The following ZNF423 variants were observed in gnomAD, a reference collection of about 807,000 sequenced individuals.
ZNF423 encodes Ebf-associated zinc finger protein.
Under a neutral mutation model 95.8 loss-of-function variants are expected in ZNF423, and 12 were observed. That is an observed-to-expected ratio of 0.13 (90% confidence interval 0.08 to 0.20). The LOEUF (loss-of-function observed/expected upper bound fraction) is 0.20, where lower values mean the gene tolerates loss of function less well. ZNF423 is among the 10% of genes least tolerant of loss of function. The pLI is 1.00. For synonymous variants in ZNF423, 749 were observed against 711.9 expected (o/e 1.05, Z -0.83); for missense variants, 1,316 against 1,737.1 (o/e 0.76, Z 4.31).
At chr16:49,779,163 G>C (rs1042470504) in intron 2 of ZNF423, among the ~76,000 whole-genome samples, 1 of 152,052 alleles carries the variant, frequency 6.6e-6, no homozygotes, top group African/African-American at 2.4e-5. Flanking sequence ...AGCCAGGGCT[G>C]GGCTGTGGAG....
chr16:49,536,438 T>G (rs932778397), intron 5 of ZNF423, among the ~76,000 whole-genome samples: 28 of 151,574 alleles, frequency 1.8e-4, no homozygotes, highest in African/African-American at 6.8e-4. Context: ...GGTGGTTTTT[T>G]TTTTTTTTTT....
chr16:49,836,252 T>G (rs960108291), intron 1 of ZNF423, among the ~76,000 whole-genome samples: 5 of 152,298 alleles, frequency 3.3e-5, no homozygotes, highest in Non-Finnish European at 7.4e-5. Context: ...AGTACAGCCC[T>G]GCCCACCACC....
chr16:49,575,872 A>G (rs1970482145), intron 5 of ZNF423, among the ~76,000 whole-genome samples: 1 of 151,974 alleles, frequency 6.6e-6, no homozygotes, highest in Non-Finnish European at 1.5e-5. Context: ...CACTTGGAGG[A>G]GCCTGAAGGA....
intron 1 of ZNF423, chr16:49,854,289 TCTC>T (rs2035332782): frequency 3.0e-6 from 3 of 985,284 alleles, no homozygotes; most frequent in Non-Finnish European, 2.4e-6. Context: ...ACTCAGTTGG[TCTC>T]CTTCTAATAT....
chr16:49,547,463 A>T (rs182723904), intron 5 of ZNF423, among the ~76,000 whole-genome samples: 4 of 152,358 alleles, frequency 2.6e-5, no homozygotes, highest in Admixed American at 2.0e-4. Context: ...CAGGGACATA[A>T]GAAAAAAGAT....
intron 2 of ZNF423, among the ~76,000 whole-genome samples, chr16:49,764,284 AC>A (rs1472196396): frequency 6.6e-6 from 1 of 152,040 alleles, no homozygotes; most frequent in Non-Finnish European, 1.5e-5. Flanking sequence ...GGTCCCACTC[AC>A]CCCACCATTC....
intron 2 of ZNF423, among the ~76,000 whole-genome samples, chr16:49,751,887 G>T (rs541157975): frequency 6.6e-6 from 1 of 152,196 alleles, no homozygotes; most frequent in Non-Finnish European, 1.5e-5. Context: ...TCCTTCCAAG[G>T]CTAAGGTTCA....
chr16:49,718,427 G>T (rs947850593), intron 3 of ZNF423, among the ~76,000 whole-genome samples: 2 of 152,124 alleles, frequency 1.3e-5, no homozygotes, highest in African/African-American at 4.8e-5. Flanking sequence ...ATCTGTGAAT[G>T]AACGCACACG....
intron 3 of ZNF423, among the ~76,000 whole-genome samples, chr16:49,724,160 TC>T (rs2032942596): frequency 6.6e-6 from 1 of 152,234 alleles, no homozygotes; most frequent in African/African-American, 2.4e-5. Flanking sequence ...TCTTCTGTGT[TC>T]CCTGTCTTCC....
chr16:49,616,138 C>T (rs549553853), intron 5 of ZNF423, among the ~76,000 whole-genome samples: 1 of 152,234 alleles, frequency 6.6e-6, no homozygotes, highest in South Asian at 2.1e-4. Context: ...TTCATGCTTA[C>T]TGCCTGGCAC....
At chr16:49,772,368 CA>C (rs1220412881) in intron 2 of ZNF423, among the ~76,000 whole-genome samples, 1 of 152,244 alleles carries the variant, frequency 6.6e-6, no homozygotes, top group Non-Finnish European at 1.5e-5. Flanking sequence ...TCAAAATGCT[CA>C]TCTCTTCCCG....
chr16:49,822,786 G>A (rs2144030332), intron 1 of ZNF423: 7 of 1,460,662 alleles, frequency 4.8e-6, no homozygotes, highest in Non-Finnish European at 6.6e-6. Flanking sequence ...GTAAGCATGT[G>A]CAATCTCCTG....
At chr16:49,718,736 G>T (rs1037511806) in intron 3 of ZNF423, among the ~76,000 whole-genome samples, 1 of 152,104 alleles carries the variant, frequency 6.6e-6, no homozygotes, top group Non-Finnish European at 1.5e-5. Flanking sequence ...GTCTTGCTGC[G>T]TCCTCACATG....
At chr16:49,772,842 A>G (rs192925026) in intron 2 of ZNF423, among the ~76,000 whole-genome samples, 6 of 152,360 alleles carry the variant, frequency 3.9e-5, no homozygotes, top group Admixed American at 3.3e-4. Flanking sequence ...TCACACTGCT[A>G]TGAAGAAATA....
chr16:49,633,811 A>G (rs1331046057), intron 4 of ZNF423, among the ~76,000 whole-genome samples: 1 of 152,188 alleles, frequency 6.6e-6, no homozygotes, highest in Non-Finnish European at 1.5e-5. Context: ...GTACTGCTAT[A>G]GCCCCTAAAA....
rs957082424 is a variant in ZNF423, at chr16:49,845,585, G to A, written c.40+10150C>T. On this transcript the variant is annotated intron_variant, in intron 1 of 7. Transcript: ENST00000563137. ...AGAAAGGGTCTCACTCTGTCACCCA[G>A]GCTGGAACACAGTGGCATGATCATG... Among the ~76,000 whole-genome samples the A allele has an allele frequency of 2.0e-5, 3 of 152,040 alleles. No homozygotes were observed. In the East Asian group the frequency reaches 5.8e-4, roughly 29 times the overall value.
At chr16:49,822,622 G>C in intron 1 of ZNF423, 1 of 1,498,118 alleles carries the variant, frequency 6.7e-7, no homozygotes, top group Non-Finnish European at 9.1e-7. Flanking sequence ...CCTTCTGTCT[G>C]CCTACTTCCC....
intron 1 of ZNF423, among the ~76,000 whole-genome samples, chr16:49,801,526 C>T (rs2034583131): frequency 6.6e-6 from 1 of 152,218 alleles, no homozygotes; most frequent in African/African-American, 2.4e-5. Context: ...TGAGCCCTCA[C>T]CTGTGCCACA....
chr16:49,725,915 GAAGGGAAGACACC>G (rs147255457), intron 3 of ZNF423, among the ~76,000 whole-genome samples: 1,863 of 152,350 alleles, frequency 0.012, 26 homozygotes, highest in African/African-American at 0.043. Context: ...GAACGGAGCT[GAAGGGAAGACACC>G]AATGCTGAGC....
Sources: allele counts gnomAD v4.1 joint callset (sites outside exome capture counted in the v4.1 genomes callset), GRCh38; gene constraint gnomAD v4.1.1; transcripts MANE v1.5; gene names NCBI Gene and HGNC (gene_info 2026-07-23, HGNC 2026-07-21).